ZNF782: variants seen among roughly 807,000 people sequenced by gnomAD.
ZNF782 encodes the protein zinc finger protein 782.
Under a neutral mutation model 13.0 loss-of-function variants are expected in ZNF782, and 12 were observed. That is an observed-to-expected ratio of 0.92 (90% CI 0.59 to 1.50). The LOEUF (loss-of-function observed/expected upper bound fraction) is 1.50, where lower values mean the gene tolerates loss of function less well. Among genes scored for constraint, ZNF782 ranks in the 40% most tolerant of loss-of-function variants. ZNF782 has a pLI of 0.00. For synonymous variants in ZNF782, 284 were observed against 283.0 expected (o/e 1.00, Z -0.04); for missense variants, 770 against 822.9 (o/e 0.94, Z 0.79).
At chr9:96,837,230 A>G (rs900811855) in intron 4 of ZNF782, among the ~76,000 whole-genome samples, 4 of 152,288 alleles carry the variant, frequency 2.6e-5, no homozygotes, top group Admixed American at 2.6e-4. Flanking sequence ...GGTACTAGAC[A>G]CTACTTACAG....
rs1432742324 is a variant in ZNF782 at position 96,818,740 on chromosome 9, T to C, written c.1283A>G (p.Asp428Gly). 1.9e-6 allele frequency: 3 copies of C among 1,613,816 alleles called. No individual in the cohort carries two copies. The highest frequency in any genetic ancestry group is 1.7e-5 in the Admixed American group (1 of 59,966). Residue 428 changes from aspartate to glycine, a missense_variant, in exon 6 of 6, where the codon GAT becomes GGT. Coordinates refer to ENST00000481138, the MANE Select transcript of ZNF782 (RefSeq NM_001001662.3). ...GCCTGACTTTGCACTGAAAGCTTTA[T>C]CACATCCATCACATTTGTATGGTTT... ...GEKPYKCDGC[D>G]KAFSAKSGLR...
In ZNF782 at chr9:96,818,288, C is replaced by G; in HGVS notation, c.1735G>C (p.Val579Leu). 6.2e-7 allele frequency: 1 copy of G among 1,613,968 alleles called. No individual in the cohort carries two copies. The highest frequency in any genetic ancestry group is 8.5e-7 in the Non-Finnish European group (1 of 1,180,010). Residue 579 changes from valine to leucine, a missense_variant, in exon 6 of 6, where the codon GTA (valine) becomes CTA (leucine). By Grantham distance (32) the Val-to-Leu change is conservative (BLOSUM62 1). Coordinates refer to ENST00000481138, the MANE Select transcript of ZNF782 (RefSeq NM_001001662.3). Reference protein sequence around the residue: ...EAFSQKSNLRVHHRTHTGEKP... With the variant: ...EAFSQKSNLRLHHRTHTGEKP... Reference sequence around the variant, plus strand: ...TCCCCAGTATGAGTTCTGTGATGTACTCTGAGGTTTGATTTCTGACTGAAA... The same window carrying G: ...TCCCCAGTATGAGTTCTGTGATGTAGTCTGAGGTTTGATTTCTGACTGAAA...
At chr9:96,884,446 G>A in the ZNF782 span, among the ~76,000 whole-genome samples, 9 of 152,168 alleles carry the variant, frequency 5.9e-5, no homozygotes, top group Non-Finnish European at 1.0e-4. Context: ...CTGATGTTTT[G>A]CTTCTCCCCT....
chr9:96,862,892 G>T (rs993917596), intron 1 of ZNF782, among the ~76,000 whole-genome samples: 1 of 152,132 alleles, frequency 6.6e-6, no homozygotes, highest in African/African-American at 2.4e-5. Flanking sequence ...CTAATCTGGC[G>T]GCGGTGGGTG....
upstream of ZNF782, among the ~76,000 whole-genome samples, chr9:96,858,103 G>A (rs895724025): frequency 3.3e-5 from 5 of 152,166 alleles, no homozygotes; most frequent in Admixed American, 3.3e-4. This position sits in a 1 kb window ranked among gnomAD's most constrained non-coding sequence, Gnocchi z 4.4. Flanking sequence ...CCTCTAGACT[G>A]TGAAAAATGT....
At chr9:96,901,382 C>T in the ZNF782 span, among the ~76,000 whole-genome samples, 1 of 149,460 alleles carries the variant, frequency 6.7e-6, no homozygotes, top group Non-Finnish European at 1.5e-5. Flanking sequence ...AGCAATTCTC[C>T]TGCCTCAGCC....
the ZNF782 span, among the ~76,000 whole-genome samples, chr9:96,903,546 T>C: frequency 7.1e-6 from 1 of 139,998 alleles, no homozygotes; most frequent in Non-Finnish European, 1.5e-5. Context: ...TTTTTTTTAA[T>C]TTTATGTTGG....
chr9:96,903,556 G>GTT, the ZNF782 span, among the ~76,000 whole-genome samples: 13,411 of 75,304 alleles, frequency 0.18, 2,483 homozygotes, highest in East Asian at 0.28. Flanking sequence ...TTTTATGTTG[G>GTT]TTTTTTTTTT....
chr9:96,839,659 C>G (rs1235859785), intron 4 of ZNF782, among the ~76,000 whole-genome samples: 1 of 150,994 alleles, frequency 6.6e-6, no homozygotes, highest in East Asian at 1.9e-4. Flanking sequence ...TCTAATCACT[C>G]ACCCCCCCCA....
chr9:96,819,479 T>G lies in ZNF782; in HGVS notation c.544A>C (p.Thr182Pro), dbSNP rs1429820539. The G allele has an allele frequency of 6.2e-7, 1 of 1,613,806 alleles. No individual in the cohort carries two copies. Among genetic ancestry groups the G allele is most frequent in the African/African-American group, 1.3e-5 (1 of 74,892 alleles). The change falls in exon 6 of 6, where the codon ACT becomes CCT. Residue 182 changes from threonine (T) to proline (P), a missense_variant. Physicochemically the swap from Thr to Pro is conservative, Grantham distance 38. Coordinates refer to ENST00000481138, the MANE Select transcript of ZNF782 (RefSeq NM_001001662.3). ...LISIKDGRTN[T>P]QEKSFAYSKI... is the part of the protein sequence containing the mutation. Reference sequence around the variant, plus strand: ...CTATAAGCGAAAGATTTCTCTTGAGTGTTAGTTCTGCCATCCTTAATACTG... The same window carrying G: ...CTATAAGCGAAAGATTTCTCTTGAGGGTTAGTTCTGCCATCCTTAATACTG...
chr9:96,877,825 G>A (rs1851912997), upstream of ZNF782, among the ~76,000 whole-genome samples: 2 of 152,064 alleles, frequency 1.3e-5, no homozygotes, highest in East Asian at 1.9e-4. Flanking sequence ...TGGGGGGAAG[G>A]ACAAAAAAAT....
chr9:96,884,279 C>T, the ZNF782 span, among the ~76,000 whole-genome samples: 1 of 152,180 alleles, frequency 6.6e-6, no homozygotes, highest in Non-Finnish European at 1.5e-5. Flanking sequence ...TTCACCCCCA[C>T]CCAGCAGCAA....
chr9:96,836,750 G>C (rs557993211), intron 4 of ZNF782, among the ~76,000 whole-genome samples: 1 of 152,228 alleles, frequency 6.6e-6, no homozygotes, highest in East Asian at 1.9e-4. Context: ...GGAGATGTTT[G>C]GGTCATGGGA....
chr9:96,863,869 G>A (rs1313088233), intron 1 of ZNF782, among the ~76,000 whole-genome samples: 5 of 152,000 alleles, frequency 3.3e-5, no homozygotes, highest in Non-Finnish European at 5.9e-5. Context: ...GAGGAAGGTC[G>A]GGAGGGGGTT....
chr9:96,885,659 A>G, the ZNF782 span, among the ~76,000 whole-genome samples: 1 of 152,202 alleles, frequency 6.6e-6, no homozygotes, highest in African/African-American at 2.4e-5. Flanking sequence ...CAAACATGGT[A>G]AGCCCAAAGA....
chr9:96,926,789 T>C, the ZNF782 span, among the ~76,000 whole-genome samples: 2 of 152,228 alleles, frequency 1.3e-5, no homozygotes, highest in Non-Finnish European at 2.9e-5. Context: ...CTCTGCCTTC[T>C]TGAGTCCAAA....
chr9:96,925,725 T>C, the ZNF782 span, among the ~76,000 whole-genome samples: 2 of 149,382 alleles, frequency 1.3e-5, no homozygotes, highest in African/African-American at 5.1e-5. Flanking sequence ...TCCTTTCTGC[T>C]CATTTGCAGG....
intron 3 of ZNF782, among the ~76,000 whole-genome samples, chr9:96,849,555 T>C (rs977576168): frequency 1.1e-4 from 17 of 152,358 alleles, no homozygotes; most frequent in Non-Finnish European, 1.6e-4. Flanking sequence ...CCTGAAACCA[T>C]AGAAATTCTA....
chr9:96,838,438 T>C (rs1398263791), intron 4 of ZNF782, among the ~76,000 whole-genome samples: 1 of 152,232 alleles, frequency 6.6e-6, no homozygotes, highest in African/African-American at 2.4e-5. Flanking sequence ...CTGCTTGATC[T>C]ACCAATACTG....
Sources: allele counts gnomAD v4.1 joint callset (sites outside exome capture counted in the v4.1 genomes callset), GRCh38; gene constraint gnomAD v4.1.1; non-coding constraint Gnocchi (gnomAD v3.1); transcripts MANE v1.5; gene names NCBI Gene and HGNC (gene_info 2026-07-23, HGNC 2026-07-21).